LY75: variants seen among roughly 807,000 people sequenced by gnomAD.
The protein encoded by LY75 is lymphocyte antigen 75, also known as C-type lectin domain family 13 member B.
LY75 carries 185 observed loss-of-function variants against 231.7 expected under a neutral mutation model. That is an observed-to-expected ratio of 0.80 (90% CI 0.71 to 0.90). The LOEUF (loss-of-function observed/expected upper bound fraction) is 0.90. Among genes scored for constraint, LY75 ranks in the 40% least tolerant of loss-of-function variants. The pLI is 0.00. For synonymous variants in LY75, 668 were observed against 689.0 expected, an observed-to-expected ratio of 0.97 and a Z score of 0.48; for missense variants, 1,947 against 2,050.2, an observed-to-expected ratio of 0.95 and a Z score of 0.97.
chr2:159,805,544 T>G (rs1682767057), intron 34 of LY75, among the ~76,000 whole-genome samples: 1 of 152,216 alleles, frequency 6.6e-6, no homozygotes, highest in Non-Finnish European at 1.5e-5. Context: ...GGAACATCAC[T>G]ACTTGTATAT....
At position 159,805,018 on chromosome 2, in the gene LY75, G is replaced by C; in HGVS notation, c.*26C>G. The C allele has an allele frequency of 6.3e-7, 1 of 1,593,608 alleles. No individual in the cohort carries two copies. On this transcript the variant is annotated 3_prime_UTR_variant, in exon 35 of 35. Transcript: ENST00000263636. ...GACTAATTTCTCATAACACATTAGT[G>C]CAAATTAGAAAACTTTTAGAAGAAT...
intron 8 of LY75, among the ~76,000 whole-genome samples, chr2:159,880,220 T>C (rs1391958979): frequency 2.6e-5 from 4 of 152,320 alleles, no homozygotes; most frequent in Middle Eastern, 3.4e-3. Flanking sequence ...AAACAAAACG[T>C]AGAGGTACAT....
At chr2:159,822,170 T>C (rs568095275) in intron 28 of LY75, among the ~76,000 whole-genome samples, 16 of 152,172 alleles carry the variant, frequency 1.1e-4, no homozygotes, top group Non-Finnish European at 2.1e-4. Flanking sequence ...GTGCCTGGAA[T>C]GCCGGTGAGA....
chr2:159,821,487 T>G (rs60264981), intron 28 of LY75, among the ~76,000 whole-genome samples: 82,810 of 151,014 alleles, frequency 0.55, 22,984 homozygotes, highest in African/African-American at 0.58. Context: ...GTGGTGGCGG[T>G]TGTCTGTAAT....
rs563275782 is a variant in LY75, at chr2:159,856,168, C to T, written c.2384-1229G>A. Among the ~76,000 whole-genome samples, 115 of 152,214 alleles carry T rather than the reference C, an allele frequency of 7.6e-4. 1 individual carries two copies. Among genetic ancestry groups the T allele is most frequent in the African/African-American group, 2.7e-3 (111 of 41,526 alleles). On this transcript the variant is annotated intron_variant, in intron 16 of 34. Coordinates refer to ENST00000263636, the MANE Select transcript of LY75 (RefSeq NM_002349.4). ...GGTGTTTTTTATACAAGATTGCAAA[C>T]ATGTATGTGTGTACAAGGTATCAAG...
intron 16 of LY75, among the ~76,000 whole-genome samples, chr2:159,856,586 CA>C (rs2125857876): frequency 6.6e-6 from 1 of 152,002 alleles, no homozygotes; most frequent in East Asian, 1.9e-4. Context: ...ACAGTACGGT[CA>C]AAAAAGGGTG....
intron 4 of LY75, among the ~76,000 whole-genome samples, chr2:159,888,040 G>T (rs554954815): frequency 1.3e-5 from 2 of 152,180 alleles, no homozygotes; most frequent in Admixed American, 1.3e-4. Flanking sequence ...AGCTCATTTG[G>T]CTTATTTGGC....
At chr2:159,887,520 T>C (rs1230110819) in intron 4 of LY75, among the ~76,000 whole-genome samples, 7 of 139,576 alleles carry the variant, frequency 5.0e-5, no homozygotes, top group Non-Finnish European at 9.1e-5. Flanking sequence ...ATTGTGCCAC[T>C]GCACTCCATC....
chr2:159,868,836 A>C (rs1291737870), intron 13 of LY75, among the ~76,000 whole-genome samples: 1 of 152,166 alleles, frequency 6.6e-6, no homozygotes, highest in African/African-American at 2.4e-5. Flanking sequence ...GGATAATATG[A>C]TATTGTGTGT....
intron 23 of LY75, among the ~76,000 whole-genome samples, chr2:159,847,147 G>T (rs1050596571): frequency 3.9e-5 from 6 of 152,042 alleles, no homozygotes; most frequent in African/African-American, 1.4e-4. Flanking sequence ...GAATAGCTGG[G>T]AGTACAGGCC....
chr2:159,886,626 C>T (rs970949586), intron 4 of LY75, 96 bp from the exon 5 acceptor site: 73 of 1,253,384 alleles, frequency 5.8e-5, no homozygotes, highest in Non-Finnish European at 7.6e-5. Flanking sequence ...ATCTGCAGAC[C>T]TTGATTGTAA....
Position 159,875,504 on chromosome 2 carries a change from C to T in LY75, c.1914G>A (p.Lys638=), listed in dbSNP as rs1264184311. The part of the protein sequence containing the change: ...GPLGPEEASP[K]PDDPCPEGWQ... ...AGCCTTCAGGACAGGGGTCATCAGG[C>T]TTAGGGGATGCTTCTTCAGGCCCAA... Residue 638 remains lysine (K), a synonymous_variant, in exon 12 of 35, where the codon AAG becomes AAA. Coordinates refer to ENST00000263636, the MANE Select transcript of LY75 (RefSeq NM_002349.4). 6.2e-7 allele frequency: 1 copy of T among 1,613,980 alleles called. No individual in the cohort carries two copies. Among genetic ancestry groups the T allele is most frequent in the Non-Finnish European group, 8.5e-7 (1 of 1,179,956 alleles).
chr2:159,833,628 TA>T (rs1347682745), intron 27 of LY75, among the ~76,000 whole-genome samples: 2 of 152,214 alleles, frequency 1.3e-5, no homozygotes, highest in Admixed American at 6.5e-5. Flanking sequence ...ACACAGGAAA[TA>T]TTTTTTTAAT....
chr2:159,812,615 G>C (rs2125828940), intron 31 of LY75, among the ~76,000 whole-genome samples: 1 of 152,206 alleles, frequency 6.6e-6, no homozygotes, highest in Middle Eastern at 3.4e-3. Flanking sequence ...GTCTTACTGT[G>C]TTGCCCAGGC....
rs141243409 is a variant in LY75 at position 159,848,193 on chromosome 2, T to C, written c.3150+1787A>G. Among the ~76,000 whole-genome samples the C allele has an allele frequency of 3.8e-3, 580 of 151,226 alleles. 2 individuals carry two copies. The highest frequency in any genetic ancestry group is 0.017 in the Middle Eastern group (5 of 294). Reference sequence around the variant, plus strand: ...ATATGTATATATATGTATGTATGTATATATATATGATGGAGGAATACTACT... The same window carrying C: ...ATATGTATATATATGTATGTATGTACATATATATGATGGAGGAATACTACT... On this transcript the variant is annotated intron_variant, in intron 23 of 34. Transcript: ENST00000263636.
intron 28 of LY75, among the ~76,000 whole-genome samples, chr2:159,825,590 C>T (rs989544826): frequency 7.2e-5 from 11 of 152,174 alleles, no homozygotes; most frequent in Non-Finnish European, 1.3e-4. Flanking sequence ...AAGAGGGACT[C>T]CTCCTTCACT....
chr2:159,858,286 C>T, intron 16 of LY75, 76 bp downstream of exon 16: 2 of 1,516,372 alleles, frequency 1.3e-6, no homozygotes, highest in Non-Finnish European at 1.8e-6. Context: ...GATCAAAATG[C>T]TCCCCTAGCT....
chr2:159,858,727 C>A (rs2729716), intron 15 of LY75, among the ~76,000 whole-genome samples: 1 of 152,178 alleles, frequency 6.6e-6, no homozygotes, highest in South Asian at 2.1e-4. Flanking sequence ...CTCCCCCACA[C>A]CTGACAATTT....
rs115646206 is a variant in LY75, at chr2:159,871,536, C to A, written c.2117+915G>T. Among the ~76,000 whole-genome samples the A allele has an allele frequency of 3.4e-3, 517 of 151,928 alleles. 3 individuals carry two copies. Among genetic ancestry groups the A allele is most frequent in the African/African-American group, 0.012 (508 of 41,434 alleles). The stretch of plus-strand genomic sequence containing the variant: ...TCACAATTTTGTAGTATTTTGTGGC[C>A]CCTTCCTCCCAGGAAAAGAACATTA... On this transcript the variant is annotated intron_variant, in intron 13 of 34. Transcript: ENST00000263636.
Sources: allele counts gnomAD v4.1 joint callset (sites outside exome capture counted in the v4.1 genomes callset), GRCh38; gene constraint gnomAD v4.1.1; transcripts MANE v1.5; gene names NCBI Gene and HGNC (gene_info 2026-07-23, HGNC 2026-07-21).